Variants in AFF2 observed in about 807,000 individuals in gnomAD.
AFF2 encodes ALF transcription elongation factor 2.
AFF2 carries 14 observed loss-of-function variants against 76.9 expected under a neutral mutation model. The observed-to-expected ratio is 0.18, with a 90% CI of 0.12 to 0.28. The LOEUF is 0.28. Among genes scored for constraint, AFF2 ranks in the 10% least tolerant of loss-of-function variants. The probability of loss-of-function intolerance (pLI) is 1.00; values close to 1 mark genes in which losing one functional copy is unlikely to be tolerated. For missense variants in AFF2, 868 were observed against 1,001.1 expected (o/e 0.87, Z 1.79); for synonymous variants, 398 against 366.7 (o/e 1.09, Z -0.98).
At chrX:148,918,772 T>C (rs2071560114) in intron 9 of AFF2, among the ~76,000 whole-genome samples, 1 of 111,911 alleles carries the variant, frequency 8.9e-6, no homozygotes, top group South Asian at 3.7e-4. Context: ...GGACAGATAC[T>C]CAAAAGCTGA....
At chrX:148,535,475 C>T (rs1369232664) in intron 1 of AFF2, among the ~76,000 whole-genome samples, 1 of 111,997 alleles carries the variant, frequency 8.9e-6, no homozygotes, top group African/African-American at 3.2e-5. Flanking sequence ...CCACCAGTAC[C>T]TCCACCTTAC....
At chrX:148,840,633 G>A (rs1180259226) in intron 5 of AFF2, among the ~76,000 whole-genome samples, 4 of 112,821 alleles carry the variant, frequency 3.5e-5, no homozygotes, top group African/African-American at 1.3e-4. Context: ...TATATGACAT[G>A]TCTATGAAAG....
chrX:148,572,000 A>G (rs782293416), intron 1 of AFF2, among the ~76,000 whole-genome samples: 1 of 110,322 alleles, frequency 9.1e-6, no homozygotes, highest in South Asian at 3.9e-4. Context: ...AATGAGAAAA[A>G]TATTTGTAAA....
chrX:148,831,526 T>C, intron 4 of AFF2, among the ~76,000 whole-genome samples: 1 of 112,192 alleles, frequency 8.9e-6, no homozygotes, highest in South Asian at 3.7e-4. Flanking sequence ...ACAACACCCA[T>C]CTTAACCCTA....
At chrX:148,840,399 A>G (rs1396611895) in intron 5 of AFF2, among the ~76,000 whole-genome samples, 1 of 112,208 alleles carries the variant, frequency 8.9e-6, no homozygotes, top group African/African-American at 3.2e-5. Context: ...TCACACTACA[A>G]TGGCAGAGTC....
chrX:148,612,417 T>C (rs782707469), intron 1 of AFF2, among the ~76,000 whole-genome samples: 2 of 112,453 alleles, frequency 1.8e-5, no homozygotes, highest in Non-Finnish European at 3.8e-5. Context: ...ACCAAAGCTA[T>C]TGAATATACA....
chrX:148,500,640 C>CGCT lies in AFF2; in HGVS notation c.-456_-455insTGC, dbSNP rs1473795472. The stretch of plus-strand genomic sequence containing the variant: ...CCGCCGCCGCCTGTGCAGCCGCTGC[C>CGCT]GCCGCCGCCGCCGCCGCCGCCGCCG... On this transcript the variant is annotated 5_prime_UTR_variant, in exon 1 of 21. Transcript: ENST00000370460. 2.5e-5 allele frequency: 2 copies of CGCT among 79,700 alleles called. No individual in the cohort carries two copies. Among genetic ancestry groups the CGCT allele is most frequent in the African/African-American group, 9.0e-5 (2 of 22,110 alleles). 6.6% of individuals were successfully genotyped at this position (79,700 alleles called of 1,213,427 possible).
chrX:148,843,221 C>T (rs782021416), intron 6 of AFF2, among the ~76,000 whole-genome samples, 161 bp from the exon 7 acceptor site: 36 of 108,948 alleles, frequency 3.3e-4, no homozygotes, highest in Non-Finnish European at 5.7e-4. Flanking sequence ...CTTCCAGTCC[C>T]GTGATATATC....
At chrX:148,586,493 G>T (rs909317567) in intron 1 of AFF2, among the ~76,000 whole-genome samples, 2 of 111,714 alleles carry the variant, frequency 1.8e-5, no homozygotes, top group Admixed American at 1.9e-4. Flanking sequence ...GAATTAGAGT[G>T]GTGATAAGTG....
intron 4 of AFF2, among the ~76,000 whole-genome samples, chrX:148,830,345 C>G (rs2070438397): frequency 8.9e-6 from 1 of 112,404 alleles, no homozygotes; most frequent in Non-Finnish European, 1.9e-5. Context: ...TGGCACACCA[C>G]ACTGGGAGCA....
intron 2 of AFF2, among the ~76,000 whole-genome samples, chrX:148,657,880 G>T (rs1246966313): frequency 8.9e-6 from 1 of 112,309 alleles, no homozygotes; most frequent in Non-Finnish European, 1.9e-5. Flanking sequence ...GGATTACTAA[G>T]ACTCTGGAGG....
rs1165658019 is a variant in AFF2, at chrX:148,998,815, T to C, written c.*7483T>C. On this transcript the variant is annotated 3_prime_UTR_variant, in exon 21 of 21. Transcript: ENST00000370460. ...TTTTTCGATGGGGGGGTTGTTATCATTGACTGAAGAAATATTTTGATTGCA... is the reference window on the plus strand; with the variant it reads ...TTTTTCGATGGGGGGGTTGTTATCACTGACTGAAGAAATATTTTGATTGCA... The C allele has an allele frequency of 9.1e-6, 1 of 109,590 alleles. No individual in the cohort carries two copies. The highest frequency in any genetic ancestry group is 1.9e-5 in the Non-Finnish European group (1 of 52,431). 9.0% of individuals were successfully genotyped at this position (109,590 alleles called of 1,213,427 possible). A position where few individuals can be genotyped will look rare whatever the true frequency, so the allele number is the denominator to read the frequency against.
At chrX:148,834,708 A>G (rs1004159816) in intron 4 of AFF2, among the ~76,000 whole-genome samples, 2 of 111,296 alleles carry the variant, frequency 1.8e-5, no homozygotes, top group Admixed American at 9.6e-5. Context: ...AAGAATGCAT[A>G]GGTGTCTTAT....
At chrX:148,516,424 G>C (rs782463827) in intron 1 of AFF2, among the ~76,000 whole-genome samples, 1 of 111,534 alleles carries the variant, frequency 9.0e-6, no homozygotes, top group South Asian at 3.8e-4. Context: ...AGATCAAAAG[G>C]CTAACAGGAA....
intron 1 of AFF2, among the ~76,000 whole-genome samples, chrX:148,506,375 A>G (rs1380074015): frequency 9.0e-6 from 1 of 111,302 alleles, no homozygotes; most frequent in African/African-American, 3.3e-5. Flanking sequence ...GGATCCGAAT[A>G]TTTATTTAGC....
intron 8 of AFF2, among the ~76,000 whole-genome samples, chrX:148,891,348 T>A (rs1557279716): frequency 3.6e-5 from 4 of 111,965 alleles, no homozygotes; most frequent in Non-Finnish European, 7.5e-5. Flanking sequence ...CTGGAATCAA[T>A]TTTCATTTAC....
rs1295389371 is a variant in AFF2, at chrX:148,992,849, T to C, written c.*1517T>C. The C allele has an allele frequency of 8.9e-6, 1 of 112,851 alleles. No individual in the cohort carries two copies. Among genetic ancestry groups the C allele is most frequent in the East Asian group, 2.8e-4 (1 of 3,628 alleles). The allele number at this position is 112,851 out of a possible 1,213,427, so 9.3% of individuals were successfully genotyped here. A position where few individuals can be genotyped will look rare whatever the true frequency, so the allele number is the denominator to read the frequency against. ...GGGGTAAACACTATCCATGCATTACTTACTGGTAATTACCTGCTGGTATAT... is the reference window on the plus strand; with the variant it reads ...GGGGTAAACACTATCCATGCATTACCTACTGGTAATTACCTGCTGGTATAT... On this transcript the variant is annotated 3_prime_UTR_variant, in exon 21 of 21. Transcript: ENST00000370460.
chrX:148,786,028 G>A (rs1318930916), intron 3 of AFF2, among the ~76,000 whole-genome samples: 7 of 111,735 alleles, frequency 6.3e-5, no homozygotes, highest in African/African-American at 2.3e-4. Context: ...TCACAGGATC[G>A]TTGTGAATGT....
intron 9 of AFF2, among the ~76,000 whole-genome samples, chrX:148,911,918 C>T (rs986516904): frequency 8.9e-6 from 1 of 111,831 alleles, no homozygotes; most frequent in Non-Finnish European, 1.9e-5. Flanking sequence ...ATCATTCTAC[C>T]GTAGAGATAT....
Sources: gnomAD v4.1 joint callset for allele counts (sites outside exome capture counted in the v4.1 genomes callset) on GRCh38, gnomAD v4.1.1 for gene constraint, MANE v1.5 for transcripts, NCBI Gene and HGNC (gene_info 2026-07-23, HGNC 2026-07-21) for gene names.